Variants in SLCO3A1 observed in about 807,000 individuals in gnomAD.
The protein encoded by SLCO3A1 is solute carrier organic anion transporter family member 3A1.
A neutral mutation model predicts 63.1 loss-of-function variants in SLCO3A1; 27 were observed. The observed-to-expected ratio is 0.43, with a 90% confidence interval of 0.32 to 0.59. The LOEUF (loss-of-function observed/expected upper bound fraction) is 0.59. SLCO3A1 is among the 20% of genes least tolerant of loss of function. The pLI is 0.09. For synonymous variants in SLCO3A1, 473 were observed against 409.9 expected, an observed-to-expected ratio of 1.15 and a Z score of -1.86; for missense variants, 773 against 945.8, an observed-to-expected ratio of 0.82 and a Z score of 2.40.
intron 4 of SLCO3A1, among the ~76,000 whole-genome samples, chr15:92,116,293 A>C (rs937020073): frequency 6.6e-6 from 1 of 152,170 alleles, no homozygotes; most frequent in Non-Finnish European, 1.5e-5. Flanking sequence ...AGGACCCATA[A>C]GTTTCCAAGA....
At chr15:91,929,172 G>A (rs1449912434) in intron 2 of SLCO3A1, among the ~76,000 whole-genome samples, 3 of 152,176 alleles carry the variant, frequency 2.0e-5, no homozygotes, top group Non-Finnish European at 4.4e-5. Flanking sequence ...CTCAGGAGTG[G>A]CGTGTCCACA....
At chr15:92,062,613 T>C (rs548227894) in intron 2 of SLCO3A1, among the ~76,000 whole-genome samples, 1 of 152,120 alleles carries the variant, frequency 6.6e-6, no homozygotes, top group African/African-American at 2.4e-5. Context: ...GAAGAGTGAA[T>C]TTCTAATTGT....
At chr15:92,030,321 A>G (rs1391041161) in intron 2 of SLCO3A1, among the ~76,000 whole-genome samples, 1 of 152,192 alleles carries the variant, frequency 6.6e-6, no homozygotes, top group Non-Finnish European at 1.5e-5. Context: ...CAAAATAACA[A>G]AATTTCATCC....
intron 2 of SLCO3A1, among the ~76,000 whole-genome samples, chr15:91,922,432 C>T (rs1303131607): frequency 2.0e-5 from 3 of 152,170 alleles, no homozygotes; most frequent in Admixed American, 1.3e-4. Context: ...TCTGTGTTTC[C>T]GTTAATAATG....
intron 1 of SLCO3A1, among the ~76,000 whole-genome samples, chr15:91,877,447 G>T (rs1225644524): frequency 6.6e-6 from 1 of 152,180 alleles, no homozygotes; most frequent in Non-Finnish European, 1.5e-5. Context: ...CAAAACACAA[G>T]AAATCGCTAT....
At chr15:91,926,597 G>GTGTA (rs1304406067) in intron 2 of SLCO3A1, among the ~76,000 whole-genome samples, 1 of 31,854 alleles carries the variant, frequency 3.1e-5, no homozygotes, top group Non-Finnish European at 6.9e-5. Context: ...GTGTGTGTGT[G>GTGTA]CGCGCGCGCA....
intron 2 of SLCO3A1, among the ~76,000 whole-genome samples, chr15:92,074,107 G>A (rs1418455160): frequency 6.6e-6 from 1 of 152,236 alleles, no homozygotes; most frequent in Non-Finnish European, 1.5e-5. Context: ...GGAGGCAGAG[G>A]TTGCAGTGAG....
chr15:91,929,681 TCAA>T (rs771404204), intron 2 of SLCO3A1, among the ~76,000 whole-genome samples: 1 of 152,156 alleles, frequency 6.6e-6, no homozygotes, highest in Non-Finnish European at 1.5e-5. Flanking sequence ...AATTACCTCT[TCAA>T]CAACAACTCC....
intron 7 of SLCO3A1, among the ~76,000 whole-genome samples, chr15:92,140,742 T>A (rs2048120905): frequency 6.6e-6 from 1 of 152,354 alleles, no homozygotes; most frequent in South Asian, 2.1e-4. Flanking sequence ...AATGGCCTTC[T>A]TTGTCTCTTT....
chr15:92,067,424 C>T (rs2151511844), intron 2 of SLCO3A1, among the ~76,000 whole-genome samples: 1 of 152,334 alleles, frequency 6.6e-6, no homozygotes, highest in East Asian at 1.9e-4. Context: ...ATTCTTACAG[C>T]ATAGGAAAGT....
At chr15:92,047,733 C>T (rs1211481733) in intron 2 of SLCO3A1, among the ~76,000 whole-genome samples, 1 of 144,814 alleles carries the variant, frequency 6.9e-6, no homozygotes, top group Non-Finnish European at 1.5e-5. Flanking sequence ...CTATGTGATT[C>T]GAATCGTTCA....
At chr15:92,152,386 A>C (rs1168509798) in intron 9 of SLCO3A1, among the ~76,000 whole-genome samples, 1 of 152,212 alleles carries the variant, frequency 6.6e-6, no homozygotes, top group Non-Finnish European at 1.5e-5. Flanking sequence ...GCTCTCAACC[A>C]CTATCAATCC....
At chr15:92,153,863 G>A (rs890369658) in intron 9 of SLCO3A1, among the ~76,000 whole-genome samples, 1 of 152,204 alleles carries the variant, frequency 6.6e-6, no homozygotes, top group African/African-American at 2.4e-5. Flanking sequence ...GGGGGGAAAG[G>A]GGGGACAGAA....
intron 9 of SLCO3A1, among the ~76,000 whole-genome samples, chr15:92,157,433 CT>C (rs796408722): frequency 4.7e-4 from 71 of 151,792 alleles, no homozygotes; most frequent in African/African-American, 7.3e-4. Flanking sequence ...GGCCCCCCCC[CT>C]TGTCCTCCCT....
At chr15:92,143,399 A>AATATATATATAAAAT (rs1175153982) in intron 7 of SLCO3A1, among the ~76,000 whole-genome samples, 1 of 2,410 alleles carries the variant, frequency 4.1e-4, no homozygotes, top group Non-Finnish European at 6.1e-4. Context: ...TATATTATAT[A>AATATATATATAAAAT]ATATATATAA....
intron 1 of SLCO3A1, among the ~76,000 whole-genome samples, chr15:91,914,286 T>A (rs927457895): frequency 6.6e-6 from 1 of 152,250 alleles, no homozygotes; most frequent in Non-Finnish European, 1.5e-5. Context: ...GAGGCTGCTC[T>A]GTGCTAACAG....
intron 2 of SLCO3A1, among the ~76,000 whole-genome samples, chr15:92,028,827 G>T (rs1449509187): frequency 6.6e-6 from 1 of 151,668 alleles, no homozygotes; most frequent in African/African-American, 2.4e-5. Context: ...ATTTTTGTAG[G>T]ATCTGGAAAT....
chr15:92,114,192 T>C (rs1171052890), intron 4 of SLCO3A1, among the ~76,000 whole-genome samples: 2 of 152,210 alleles, frequency 1.3e-5, no homozygotes, highest in Non-Finnish European at 2.9e-5. Flanking sequence ...TGAATATGTT[T>C]CCACCCAGAC....
At chr15:92,094,123 T>G (rs972848450) in intron 2 of SLCO3A1, among the ~76,000 whole-genome samples, 5 of 152,220 alleles carry the variant, frequency 3.3e-5, no homozygotes, top group African/African-American at 1.2e-4. Flanking sequence ...TCAGTACTTT[T>G]CCCAGAATGT....
Sources: allele counts gnomAD v4.1 joint callset (sites outside exome capture counted in the v4.1 genomes callset), GRCh38; gene constraint gnomAD v4.1.1; transcripts MANE v1.5; gene names NCBI Gene and HGNC (gene_info 2026-07-23, HGNC 2026-07-21).